Variants in TENM3 observed in about 807,000 individuals in gnomAD.
TENM3 encodes the protein teneurin transmembrane protein 3, also known as teneurin-3.
TENM3 carries 63 observed loss-of-function variants against 255.1 expected under a neutral mutation model. The ratio of observed to expected loss-of-function variants is 0.25; its 90% CI spans 0.20 to 0.30. The LOEUF is 0.30. Among genes scored for constraint, TENM3 ranks in the 10% least tolerant of loss-of-function variants. The pLI, the probability that TENM3 is intolerant of heterozygous loss-of-function variation, is 1.00. For synonymous variants in TENM3, 1,306 were observed against 1,322.3 expected, an observed-to-expected ratio of 0.99 and a Z score of 0.27; for missense variants, 2,929 against 3,461.1, an observed-to-expected ratio of 0.85 and a Z score of 3.86.
At chr4:182,735,195 C>G (rs1008637791) in intron 16 of TENM3, among the ~76,000 whole-genome samples, 2 of 152,110 alleles carry the variant, frequency 1.3e-5, no homozygotes, top group Non-Finnish European at 2.9e-5. Context: ...TGCTTAAGAC[C>G]GTTTTGTGGC....
chr4:182,690,467 G>A (rs1003903982), intron 12 of TENM3, among the ~76,000 whole-genome samples: 1 of 152,116 alleles, frequency 6.6e-6, no homozygotes, highest in Non-Finnish European at 1.5e-5. Context: ...CCAGAGGCAG[G>A]GCAGGAAAAC....
At chr4:182,661,721 G>A (rs1376717148) in intron 6 of TENM3, among the ~76,000 whole-genome samples, 15 of 152,182 alleles carry the variant, frequency 9.9e-5, no homozygotes, top group Non-Finnish European at 1.0e-4. Flanking sequence ...CATAGAATTG[G>A]AGGGTGGGCT....
At chr4:181,935,726 C>T in the TENM3 span, among the ~76,000 whole-genome samples, 5 of 152,162 alleles carry the variant, frequency 3.3e-5, no homozygotes, top group Admixed American at 2.0e-4. Flanking sequence ...GTCTGCAAAA[C>T]TCTCGAATCC....
the TENM3 span, among the ~76,000 whole-genome samples, chr4:181,456,010 T>C: frequency 6.6e-6 from 1 of 151,926 alleles, no homozygotes; most frequent in Non-Finnish European, 1.5e-5. Flanking sequence ...GTGGCATATT[T>C]CATTAAATCA....
the TENM3 span, among the ~76,000 whole-genome samples, chr4:181,874,052 G>C: frequency 6.6e-6 from 1 of 151,778 alleles, no homozygotes; most frequent in Admixed American, 6.6e-5. Flanking sequence ...CAAAGTGCTG[G>C]GATTACAGGC....
At chr4:181,902,709 A>T in the TENM3 span, among the ~76,000 whole-genome samples, 2 of 152,106 alleles carry the variant, frequency 1.3e-5, no homozygotes, top group African/African-American at 4.8e-5. Flanking sequence ...ACTCATAAGT[A>T]GAAGTTGAAC....
chr4:182,155,267 G>A (rs1036033110), intron 1 of TENM3, among the ~76,000 whole-genome samples: 5 of 152,188 alleles, frequency 3.3e-5, no homozygotes, highest in African/African-American at 1.2e-4. Flanking sequence ...TAAAAGAGTA[G>A]TAAAGTTCAC....
At chr4:182,324,308 T>A (rs919387382) in intron 2 of TENM3, 56 bp downstream of exon 2, 1 of 1,310,536 alleles carries the variant, frequency 7.6e-7, no homozygotes, top group South Asian at 1.2e-5. Context: ...CTTGTAGGTG[T>A]CGTGATTTTC....
chr4:182,336,843 CTTTT>C (rs34620762), intron 2 of TENM3, among the ~76,000 whole-genome samples: 6 of 113,474 alleles, frequency 5.3e-5, no homozygotes, highest in Non-Finnish European at 7.4e-5. Context: ...TTATTCTTAG[CTTTT>C]TTTTTTTTTT....
chr4:182,753,815 C>A (rs1762534127), intron 21 of TENM3, among the ~76,000 whole-genome samples: 1 of 152,126 alleles, frequency 6.6e-6, no homozygotes, highest in South Asian at 2.1e-4. Context: ...AGATACAGAA[C>A]AATTATCACT....
the TENM3 span, among the ~76,000 whole-genome samples, chr4:181,933,815 A>G: frequency 2.6e-5 from 4 of 152,222 alleles, no homozygotes; most frequent in Admixed American, 6.5e-5. Flanking sequence ...ACGATATCAC[A>G]AGAAATATTG....
At chr4:182,259,025 A>C (rs929289682) in intron 1 of TENM3, among the ~76,000 whole-genome samples, 1 of 152,234 alleles carries the variant, frequency 6.6e-6, no homozygotes, top group African/African-American at 2.4e-5. Flanking sequence ...TAATTAGAGA[A>C]GGCAGATACC....
intron 13 of TENM3, among the ~76,000 whole-genome samples, chr4:182,717,680 C>T (rs1444691991): frequency 6.6e-6 from 1 of 152,176 alleles, no homozygotes; most frequent in African/African-American, 2.4e-5. Flanking sequence ...ATAATATCCC[C>T]AATGGGGCAC....
intron 1 of TENM3, among the ~76,000 whole-genome samples, chr4:182,259,505 G>T (rs1301102598): frequency 6.6e-6 from 1 of 152,018 alleles, no homozygotes; most frequent in Admixed American, 6.6e-5. Context: ...TAGAGACAGG[G>T]TCTGCCTTTG....
rs1756027152 is a variant in TENM3 at position 182,680,138 on chromosome 4, T to G, written c.1538-110T>G. The G allele has an allele frequency of 4.7e-6, 4 of 843,126 alleles. No homozygotes were observed. The East Asian group carries it at 1.1e-4, about 22-fold the overall frequency. 52.2% of individuals were successfully genotyped at this position (843,126 alleles called of 1,614,324 possible). A position where few individuals can be genotyped will look rare whatever the true frequency, so the allele number is the denominator to read the frequency against. ...AATCTGCATTTGAAGTGACAGTGCT[T>G]TGCTTTACTACTCAAATTATCTAGC... On this transcript the variant is annotated intron_variant, in intron 8 of 27. Transcript: ENST00000511685.
chr4:182,273,267 G>A (rs56200927), intron 1 of TENM3, among the ~76,000 whole-genome samples: 4,113 of 152,314 alleles, frequency 0.027, 66 homozygotes, highest in African/African-American at 0.041. Flanking sequence ...AGGTTAAGAC[G>A]TTTGCCTGCG....
At chr4:182,717,550 A>G (rs1759307064) in intron 13 of TENM3, among the ~76,000 whole-genome samples, 1 of 152,202 alleles carries the variant, frequency 6.6e-6, no homozygotes, top group Non-Finnish European at 1.5e-5. Flanking sequence ...ATCCAGCTCC[A>G]GGTACCAAAT....
the TENM3 span, among the ~76,000 whole-genome samples, chr4:181,754,238 T>G: frequency 6.6e-6 from 1 of 151,378 alleles, no homozygotes; most frequent in East Asian, 2.0e-4. Flanking sequence ...AAACAACTTA[T>G]CATCTTCATT....
At chr4:182,324,429 G>A (rs764264714) in intron 2 of TENM3, among the ~76,000 whole-genome samples, 177 bp downstream of exon 2, 7 of 152,378 alleles carry the variant, frequency 4.6e-5, no homozygotes, top group Non-Finnish European at 1.0e-4. Flanking sequence ...AAAGCCACCG[G>A]TGGGCACATT....
Sources: allele counts gnomAD v4.1 joint callset (sites outside exome capture counted in the v4.1 genomes callset), GRCh38; gene constraint gnomAD v4.1.1; transcripts MANE v1.5; gene names NCBI Gene and HGNC (gene_info 2026-07-23, HGNC 2026-07-21).